Variants in FAM228A observed in about 807,000 individuals in gnomAD.
The protein encoded by FAM228A is protein FAM228A.
In FAM228A, 13 loss-of-function variants were observed where a neutral mutation model predicts 18.6. That is an observed-to-expected ratio of 0.70 (90% CI 0.45 to 1.11). FAM228A has a LOEUF of 1.11. FAM228A is among the 50% of genes least tolerant of loss of function. The probability of loss-of-function intolerance (pLI) is 0.00; values close to 1 mark genes in which losing one functional copy is unlikely to be tolerated. For missense variants in FAM228A, 240 were observed against 242.2 expected (o/e 0.99, Z 0.06); for synonymous variants, 77 against 86.6 (o/e 0.89, Z 0.61).
intron 3 of FAM228A, among the ~76,000 whole-genome samples, chr2:24,182,592 C>G (rs1667841563): frequency 6.6e-6 from 1 of 152,122 alleles, no homozygotes; most frequent in Admixed American, 6.5e-5. Context: ...ACCCTCTGTT[C>G]TCACAGGCCC....
Position 24,181,748 on chromosome 2 carries a change from G to GT in FAM228A, c.163-1531dup, listed in dbSNP as rs574644257. 4.6e-5 allele frequency among the ~76,000 whole-genome samples: 7 copies of GT among 152,182 alleles called. No individual in the cohort carries two copies. In the South Asian group the frequency reaches 1.2e-3, roughly 27 times the overall value. On this transcript the variant is annotated intron_variant, in intron 3 of 5. Transcript: ENST00000295150. The stretch of plus-strand genomic sequence containing the variant: ...TGGAAAGGTAGAGCAGGTTTCTTTG[G>GT]TTTTTTATTCTTAGGAGCTCTGGAG...
At position 24,190,776 on chromosome 2, in the gene FAM228A, G is replaced by T. The variant is rs1470284460; in HGVS notation, c.*145G>T. The T allele has an allele frequency of 6.7e-6, 9 of 1,338,196 alleles. No homozygotes were observed. In the East Asian group the frequency reaches 2.5e-4, roughly 37 times the overall value. 82.9% of individuals were successfully genotyped at this position (1,338,196 alleles called of 1,614,324 possible). On this transcript the variant is annotated 3_prime_UTR_variant, in exon 6 of 6. Transcript: ENST00000295150. ...GCTCTGACAGGGCCCCTCGGGCGGG[G>T]AAGCCTTGCATGAAGAAACTCAGAC...
At chr2:24,187,349 C>T (rs994174298) in intron 5 of FAM228A, among the ~76,000 whole-genome samples, 4 of 152,188 alleles carry the variant, frequency 2.6e-5, no homozygotes, top group African/African-American at 7.2e-5. Flanking sequence ...AGAGAGTTCT[C>T]GTACACCTCC....
intron 2 of FAM228A, 133 bp downstream of exon 2, chr2:24,175,706 A>C: frequency 2.6e-6 from 2 of 755,498 alleles, no homozygotes; most frequent in Non-Finnish European, 2.2e-6. Context: ...TTGAAGGGGA[A>C]TGTTCGGGCT....
rs758405362 is a variant in FAM228A, at chr2:24,175,524, C to G, written c.44C>G (p.Pro15Arg). 6.2e-7 allele frequency: 1 copy of G among 1,614,182 alleles called. No individual in the cohort carries two copies. Among genetic ancestry groups the G allele is most frequent in the South Asian group, 1.1e-5 (1 of 91,086 alleles). ...KTASYDEHFR[P>R]EKLREWPEPE... ...GCGAGTTATGATGAACATTTCAGGC[C>G]AGAAAAGTTAAGAGAATGGCCGGAG... Residue 15 changes from proline to arginine, a missense_variant, in exon 2 of 6, where the codon CCA becomes CGA. By Grantham distance (103) the Pro-to-Arg change is moderately radical. Coordinates refer to ENST00000295150, the MANE Select transcript of FAM228A (RefSeq NM_001040710.3).
intron 5 of FAM228A, among the ~76,000 whole-genome samples, chr2:24,189,788 C>T (rs1411614588): frequency 6.6e-6 from 1 of 152,046 alleles, no homozygotes; most frequent in Non-Finnish European, 1.5e-5. Context: ...CGAGGTGAGG[C>T]AGAGACAGTT....
intron 5 of FAM228A, among the ~76,000 whole-genome samples, chr2:24,190,033 T>G (rs1053855370): frequency 6.6e-6 from 1 of 152,170 alleles, no homozygotes; most frequent in Non-Finnish European, 1.5e-5. Flanking sequence ...TGTTTCTCTT[T>G]CTTTGCACAT....
rs534426682 is a variant in FAM228A, at chr2:24,180,706, G to A, written c.163-2579G>A. 2.6e-5 allele frequency among the ~76,000 whole-genome samples: 4 copies of A among 152,264 alleles called. No individual in the cohort carries two copies. In the South Asian group the frequency reaches 8.3e-4, roughly 32 times the overall value. ...AAGTCGTTGTGAATCAACCATATGA[G>A]CTGGATTCCAAGAAAACATACATCT... On this transcript the variant is annotated intron_variant, in intron 3 of 5. Coordinates refer to ENST00000295150, the MANE Select transcript of FAM228A (RefSeq NM_001040710.3).
rs1668005694 is a variant in FAM228A, at chr2:24,188,435, T to G, written c.402-1977T>G. On this transcript the variant is annotated intron_variant, in intron 5 of 5. Transcript: ENST00000295150. ...CCTCCTTGATTCTTTTTCAAATAGG[T>G]TTTGGGAAATGCTGTCTGTACTCGG... 3 of 985,166 alleles carry G rather than the reference T, an allele frequency of 3.0e-6. No individual in the cohort carries two copies. In the African/African-American group the frequency reaches 5.2e-5, roughly 17 times the overall value. The allele number at this position is 985,166 out of a possible 1,614,324, so 61.0% of individuals were successfully genotyped here. A position where few individuals can be genotyped will look rare whatever the true frequency, so the allele number is the denominator to read the frequency against.
chr2:24,180,291 CAAA>C (rs11393744), intron 3 of FAM228A, among the ~76,000 whole-genome samples: 2 of 132,836 alleles, frequency 1.5e-5, no homozygotes, highest in African/African-American at 5.7e-5. Context: ...CCCGTCTGTA[CAAA>C]AAAAAAAAAA....
intron 3 of FAM228A, chr2:24,179,184 T>C: frequency 8.6e-7 from 1 of 1,168,258 alleles, no homozygotes; most frequent in Non-Finnish European, 1.1e-6. Flanking sequence ...AAAAAATGGG[T>C]TGAAAATGTT....
Position 24,191,318 on chromosome 2 carries a change from G to A in FAM228A, c.*687G>A, listed in dbSNP as rs1366012958. ...ACCCTCACCACCACACACACAGGAT[G>A]GGGGACTGCTGCTGCTTTCCAGCCT... is the stretch of plus-strand genomic sequence containing the variant. On this transcript the variant is annotated 3_prime_UTR_variant, in exon 6 of 6. Transcript: ENST00000295150. The A allele has an allele frequency of 2.0e-6, 2 of 985,598 alleles. No individual in the cohort carries two copies. Among genetic ancestry groups the A allele is most frequent in the African/African-American group, 3.5e-5 (2 of 57,250 alleles). The allele number at this position is 985,598 out of a possible 1,614,324, so 61.1% of individuals were successfully genotyped here.
At chr2:24,176,153 T>A (rs1269233138) in intron 2 of FAM228A, 1 of 984,650 alleles carries the variant, frequency 1.0e-6, no homozygotes, top group African/African-American at 1.7e-5. Flanking sequence ...CAAAGATTAT[T>A]TGAGAATCTG....
In FAM228A at chr2:24,175,601, C is replaced by A. The variant is rs764160794; in HGVS notation, c.93+28C>A. Reference sequence around the variant, plus strand: ...GAGATAACGTGGCGTTTTGAGACGTCATTTTGGCGGGGGGACCCCTCGAGT... The same window carrying A: ...GAGATAACGTGGCGTTTTGAGACGTAATTTTGGCGGGGGGACCCCTCGAGT... On this transcript the variant is annotated intron_variant, in intron 2 of 5. Transcript: ENST00000295150. 69 of 1,553,742 alleles carry A rather than the reference C, an allele frequency of 4.4e-5. 1 individual carries two copies. In the South Asian group the frequency reaches 7.1e-4, roughly 16 times the overall value.
intron 1 of FAM228A, 71 bp downstream of exon 1, chr2:24,175,245 G>C (rs1365606312): frequency 7.9e-6 from 4 of 507,676 alleles, no homozygotes; most frequent in Non-Finnish European, 1.4e-5. Flanking sequence ...GGCCAGGGGG[G>C]CGCGCCCCGG....
In FAM228A at chr2:24,175,398, T is replaced by G. The variant is rs994864575; in HGVS notation, c.-14-69T>G. 9 of 1,140,062 alleles carry G rather than the reference T, an allele frequency of 7.9e-6. No individual in the cohort carries two copies. In the African/African-American group the frequency reaches 1.2e-4, roughly 15 times the overall value. 70.6% of individuals were successfully genotyped at this position (1,140,062 alleles called of 1,614,324 possible). On this transcript the variant is annotated intron_variant, in intron 1 of 5. Coordinates refer to ENST00000295150, the MANE Select transcript of FAM228A (RefSeq NM_001040710.3). ...GGCCGAGCGGGATTTGAACACTCCC[T>G]GAGCCCAAAGGCCTGGCTCTCAACG...
At chr2:24,189,135 A>G (rs1668023900) in intron 5 of FAM228A, among the ~76,000 whole-genome samples, 1 of 152,024 alleles carries the variant, frequency 6.6e-6, no homozygotes, top group Non-Finnish European at 1.5e-5. Context: ...TTCTTCCTTC[A>G]GGCTGGTCTC....
intron 3 of FAM228A, among the ~76,000 whole-genome samples, chr2:24,179,819 C>G (rs1464585427): frequency 6.6e-6 from 1 of 152,110 alleles, no homozygotes; most frequent in Non-Finnish European, 1.5e-5. Context: ...CCAACTTTCC[C>G]TTAGGTCTCA....
At chr2:24,183,071 CGAGGTTGGGGTGCT>C (rs532563750) in intron 3 of FAM228A, among the ~76,000 whole-genome samples, 200 bp from the exon 4 acceptor site, 56 of 151,914 alleles carry the variant, frequency 3.7e-4, no homozygotes, top group Non-Finnish European at 6.9e-4. Flanking sequence ...TATTGGGGTA[CGAGGTTGGGGTGCT>C]GAGGTTGGGG....
Sources: allele counts gnomAD v4.1 joint callset (sites outside exome capture counted in the v4.1 genomes callset), GRCh38; gene constraint gnomAD v4.1.1; transcripts MANE v1.5; gene names NCBI Gene and HGNC (gene_info 2026-07-23, HGNC 2026-07-21).